The following ABCC2 variants were observed in gnomAD, a reference collection of about 807,000 sequenced individuals.
The protein encoded by ABCC2 is ATP-binding cassette sub-family C member 2.
ABCC2 carries 157 observed loss-of-function variants against 173.4 expected under a neutral mutation model. The ratio of observed to expected loss-of-function variants is 0.91; its 90% CI spans 0.80 to 1.03. The LOEUF is 1.03. Among genes scored for constraint, ABCC2 ranks in the 50% least tolerant of loss-of-function variants. The pLI is 0.00. For synonymous variants in ABCC2, 657 were observed against 693.5 expected, an observed-to-expected ratio of 0.95 and a Z score of 0.83; for missense variants, 1,822 against 1,852.3, an observed-to-expected ratio of 0.98 and a Z score of 0.30.
At chr10:99,834,288 G>A in intron 23 of ABCC2, 92 bp from the exon 24 acceptor site, 1 of 1,329,628 alleles carries the variant, frequency 7.5e-7, no homozygotes, top group Non-Finnish European at 1.1e-6. Context: ...GGAACACACA[G>A]AATCCAACAG....
intron 29 of ABCC2, 24 bp downstream of exon 29, chr10:99,845,806 C>T (rs181499640): frequency 6.2e-7 from 1 of 1,600,228 alleles, no homozygotes; most frequent in South Asian, 1.1e-5. Context: ...CTTACTCGGG[C>T]ACATGCCGTG....
Position 99,851,815 on chromosome 10 carries a change from C to T in ABCC2, c.*184C>T. 1 of 560,382 alleles carries T rather than the reference C, an allele frequency of 1.8e-6. No homozygotes were observed. Among genetic ancestry groups the T allele is most frequent in the Admixed American group, 3.3e-5 (1 of 30,232 alleles). The allele number at this position is 560,382 out of a possible 1,614,324, so 34.7% of individuals were successfully genotyped here. On this transcript the variant is annotated 3_prime_UTR_variant, in exon 32 of 32. Transcript: ENST00000647814. ...AAATGTCACCAGGTACTTGAGAAAC[C>T]CCTCGATTGTCTACCTCGATCGTAC...
intron 30 of ABCC2, among the ~76,000 whole-genome samples, chr10:99,849,622 T>G (rs1316564244): frequency 6.6e-6 from 1 of 152,228 alleles, no homozygotes; most frequent in Non-Finnish European, 1.5e-5. Flanking sequence ...AGCAACAGTC[T>G]GTTACTCTAA....
At chr10:99,829,003 T>C (rs74751052) in intron 19 of ABCC2, among the ~76,000 whole-genome samples, 1,910 of 151,772 alleles carry the variant, frequency 0.013, 50 homozygotes, top group African/African-American at 0.044. Context: ...TTCCCCAGCT[T>C]TTCCTTTTAA....
chr10:99,809,772 A>G (rs965340135), intron 13 of ABCC2, among the ~76,000 whole-genome samples: 7 of 152,160 alleles, frequency 4.6e-5, no homozygotes, highest in African/African-American at 1.4e-4. Context: ...CTTAGTTAGG[A>G]TGCTGGGTGG....
Position 99,845,755 on chromosome 10 carries a change from CCG to C in ABCC2, c.4120_4121del (p.Lys1376AlafsTer28). The stretch of plus-strand genomic sequence containing the variant: ...TTGCTTCCATTGGGCTCCACGACCT[CCG>C]AGAGAAGCTGACCATCATCCCCCAG... Reference protein sequence around the residue: ...DIASIGLHDLREKLTIIPQDP... With the variant: ...DIASIGLHDLXEKLTIIPQDP... On this transcript the variant is annotated frameshift_variant, in exon 29 of 32. Transcript: ENST00000647814. LOFTEE classifies it high-confidence loss of function. 6.2e-7 allele frequency: 1 copy of C among 1,613,226 alleles called. No individual in the cohort carries two copies. Among genetic ancestry groups the C allele is most frequent in the Non-Finnish European group, 8.5e-7 (1 of 1,179,802 alleles).
At chr10:99,836,608 C>T (rs1359314859) in intron 25 of ABCC2, among the ~76,000 whole-genome samples, 2 of 152,304 alleles carry the variant, frequency 1.3e-5, no homozygotes, top group South Asian at 2.1e-4. Context: ...AGTCAAATGA[C>T]ATTTGTGAGC....
chr10:99,788,417 A>T (rs1029381377), intron 2 of ABCC2: 11 of 152,098 alleles, frequency 7.2e-5, no homozygotes, highest in African/African-American at 2.7e-4. Context: ...CCCACCCCCA[A>T]ATAGACCCAA....
chr10:99,837,128 G>A (rs1208601403), intron 25 of ABCC2, among the ~76,000 whole-genome samples: 1 of 141,660 alleles, frequency 7.1e-6, no homozygotes, highest in Non-Finnish European at 1.5e-5. Flanking sequence ...CATTTTCTTT[G>A]AGAAAGTCCT....
chr10:99,836,934 A>G (rs1313119407), intron 25 of ABCC2, among the ~76,000 whole-genome samples: 2 of 152,196 alleles, frequency 1.3e-5, no homozygotes, highest in Non-Finnish European at 2.9e-5. Context: ...TTGAGGCGCT[A>G]AAGATGCTCA....
At position 99,810,237 on chromosome 10, in the gene ABCC2, T is replaced by C; in HGVS notation, c.1900+19T>C. The C allele has an allele frequency of 6.2e-7, 1 of 1,607,798 alleles. No homozygotes were observed. On this transcript the variant is annotated intron_variant, in intron 14 of 31. Transcript: ENST00000647814. ...AATTTTGGTAAATAAATTTGGAAGT[T>C]GCTTCCCAAACTTATTCGCAGTACT...
At chr10:99,800,248 C>A (rs528460338) in intron 8 of ABCC2, 138 bp from the exon 9 acceptor site, 63 of 941,390 alleles carry the variant, frequency 6.7e-5, no homozygotes, top group Non-Finnish European at 1.0e-4. Flanking sequence ...AGACTTAGGT[C>A]TTTCAAAGGC....
intron 23 of ABCC2, among the ~76,000 whole-genome samples, chr10:99,832,889 A>G (rs147403796): frequency 4.8e-4 from 73 of 152,372 alleles, no homozygotes; most frequent in Non-Finnish European, 6.9e-4. Context: ...AATGAATGTG[A>G]AGATCATAGA....
rs766157931 is a variant in ABCC2, at chr10:99,808,229, G to T, written c.1815G>T (p.Gln605His). The change falls in exon 13 of 32, where the codon CAG (glutamine) becomes CAT (histidine). Residue 605 changes from glutamine to histidine, a missense_variant and splice_region_variant. Gln to His is a conservative substitution (Grantham distance 24, BLOSUM62 0). Coordinates refer to ENST00000647814, the MANE Select transcript of ABCC2 (RefSeq NM_000392.5). ...MLPMMISSML[Q>H]ASVSTERLEK... ...CCATGATGATCTCCTCCATGCTCCA[G>T]GTAGGTCGGCATTCTCACTGCTAAC... The T allele has an allele frequency of 1.2e-6, 2 of 1,614,006 alleles. No individual in the cohort carries two copies. The highest frequency in any genetic ancestry group is 1.1e-5 in the South Asian group (1 of 91,078).
In ABCC2 at chr10:99,847,088, G is replaced by T. The variant is rs765981124; in HGVS notation, c.4274G>T (p.Gly1425Val). ...LKSFVASLQL[G>V]LSHEVTEAGG... ...TCTTTTGTGGCCAGCCTGCAACTTG[G>T]GTTATCCCACGAAGTGACAGAGGCT... The change falls in exon 30 of 32, where the codon GGG (glycine) becomes GTG (valine). Residue 1425 changes from glycine to valine, a missense_variant. Coordinates refer to ENST00000647814, the MANE Select transcript of ABCC2 (RefSeq NM_000392.5). 6.2e-7 allele frequency: 1 copy of T among 1,614,116 alleles called. No individual in the cohort carries two copies. The highest frequency in any genetic ancestry group is 1.1e-5 in the South Asian group (1 of 91,078).
rs754135552 is a variant in ABCC2 at position 99,831,685 on chromosome 10, T to G, written c.2958T>G (p.Phe986Leu). 6.2e-7 allele frequency: 1 copy of G among 1,614,172 alleles called. No homozygotes were observed. Among genetic ancestry groups the G allele is most frequent in the Non-Finnish European group, 8.5e-7 (1 of 1,180,022 alleles). The change falls in exon 22 of 32, where the codon TTT becomes TTG. Residue 986 changes from phenylalanine (F) to leucine (L), a missense_variant. Phe to Leu is a conservative substitution (Grantham distance 22, BLOSUM62 0). Transcript: ENST00000647814. ...CGATATTCTTCATCATCCTTGCGTT[T>G]GTGATGAATTCTGTGGCTTTTATTG... ...LFSIFFIILA[F>L]VMNSVAFIGS... is the part of the protein sequence containing the mutation.
intron 26 of ABCC2, 76 bp downstream of exon 26, chr10:99,842,169 CTG>C: frequency 6.9e-6 from 11 of 1,597,138 alleles, no homozygotes; most frequent in Non-Finnish European, 8.6e-6. Flanking sequence ...ACTGTGGAGT[CTG>C]TGCTCTTGAT....
At chr10:99,846,830 A>C in intron 29 of ABCC2, 131 bp from the exon 30 acceptor site, 1 of 1,292,930 alleles carries the variant, frequency 7.7e-7, no homozygotes, top group South Asian at 1.2e-5. Flanking sequence ...GCGGAAGCTC[A>C]ACCACAAACC....
Position 99,800,454 on chromosome 10 carries a change from T to TA in ABCC2, c.1101dup (p.Phe368IlefsTer35). ...ATTGGATATCTCTGTGCAATCCTCTTATTCACTGCGGCTCTCATTCAGTCT... is the reference window on the plus strand; with the variant it reads ...ATTGGATATCTCTGTGCAATCCTCTTAATTCACTGCGGCTCTCATTCAGTCT... On this transcript the variant is annotated frameshift_variant, in exon 9 of 32. Coordinates refer to ENST00000647814, the MANE Select transcript of ABCC2 (RefSeq NM_000392.5). LOFTEE classifies it high-confidence loss of function. 1 of 1,614,202 alleles carries TA rather than the reference T, an allele frequency of 6.2e-7. No homozygotes were observed. Among genetic ancestry groups the TA allele is most frequent in the Non-Finnish European group, 8.5e-7 (1 of 1,180,026 alleles).
Sources: allele counts gnomAD v4.1 joint callset (sites outside exome capture counted in the v4.1 genomes callset), GRCh38; gene constraint gnomAD v4.1.1; transcripts MANE v1.5; gene names NCBI Gene and HGNC (gene_info 2026-07-23, HGNC 2026-07-21).